Variants in CDH13 observed in about 807,000 individuals in gnomAD.
CDH13 encodes the protein cadherin-13.
CDH13 carries 24 observed loss-of-function variants against 63.8 expected under a neutral mutation model. The ratio of observed to expected loss-of-function variants is 0.38; its 90% CI spans 0.27 to 0.53. The LOEUF (loss-of-function observed/expected upper bound fraction) is 0.53, where lower values mean the gene tolerates loss of function less well. CDH13 is among the 20% of genes least tolerant of loss of function. The pLI is 0.85. For synonymous variants in CDH13, 503 were observed against 355.3 expected (o/e 1.42, Z -4.67); for missense variants, 1,049 against 903.1 (o/e 1.16, Z -2.07).
At chr16:83,139,001 G>T (rs1447268192) in intron 4 of CDH13, among the ~76,000 whole-genome samples, 1 of 151,858 alleles carries the variant, frequency 6.6e-6, no homozygotes, top group African/African-American at 2.4e-5. Flanking sequence ...AAAGTAACCT[G>T]CGGAGGTGTT....
At chr16:83,765,460 A>G (rs1043424891) in intron 11 of CDH13, among the ~76,000 whole-genome samples, 1 of 152,158 alleles carries the variant, frequency 6.6e-6, no homozygotes, top group Non-Finnish European at 1.5e-5. Context: ...CAAGTATAGT[A>G]TACACGGAAA....
chr16:83,509,469 C>G (rs1355067175), intron 7 of CDH13, among the ~76,000 whole-genome samples: 1 of 152,184 alleles, frequency 6.6e-6, no homozygotes, highest in Non-Finnish European at 1.5e-5. Flanking sequence ...CAAAAGCAAG[C>G]ATAGATACCA....
chr16:83,191,469 ATATATATATATATATATAT>A (rs2038700268), intron 4 of CDH13, among the ~76,000 whole-genome samples: 1 of 116,980 alleles, frequency 8.5e-6, no homozygotes, highest in Non-Finnish European at 1.8e-5. Context: ...ATATATATAT[ATATATATATATATATATAT>A]GCACATATAT....
intron 4 of CDH13, among the ~76,000 whole-genome samples, chr16:83,214,373 A>C (rs1417551205): frequency 6.6e-6 from 1 of 151,924 alleles, no homozygotes; most frequent in African/African-American, 2.4e-5. Flanking sequence ...TCAGGTAAGG[A>C]GTTCGAGATT....
intron 3 of CDH13, among the ~76,000 whole-genome samples, chr16:83,117,165 C>G (rs1211776834): frequency 1.3e-5 from 2 of 152,214 alleles, no homozygotes; most frequent in East Asian, 1.9e-4. Flanking sequence ...GCTCAAAACC[C>G]TTCCAGGGCT....
At chr16:83,526,688 C>T (rs1363661552) in intron 7 of CDH13, among the ~76,000 whole-genome samples, 2 of 152,218 alleles carry the variant, frequency 1.3e-5, no homozygotes, top group Non-Finnish European at 2.9e-5. Context: ...AAATTTGCTG[C>T]CACTGTTTAA....
chr16:83,460,449 A>G (rs1045156868), intron 6 of CDH13, among the ~76,000 whole-genome samples: 1 of 152,230 alleles, frequency 6.6e-6, no homozygotes, highest in Non-Finnish European at 1.5e-5. Context: ...ATTTCTAGCA[A>G]TAGCAAAATA....
chr16:82,774,948 A>C (rs1197931770), intron 1 of CDH13, among the ~76,000 whole-genome samples: 4 of 152,184 alleles, frequency 2.6e-5, no homozygotes, highest in Non-Finnish European at 5.9e-5. Context: ...AAATGCTTTG[A>C]CTTGGAAATA....
At chr16:83,060,321 A>G (rs948785498) in intron 3 of CDH13, among the ~76,000 whole-genome samples, 3 of 152,240 alleles carry the variant, frequency 2.0e-5, no homozygotes, top group African/African-American at 7.2e-5. Flanking sequence ...GTGGATGTTG[A>G]TAAATGCGTA....
intron 4 of CDH13, among the ~76,000 whole-genome samples, chr16:83,169,617 C>T (rs2037837524): frequency 6.6e-6 from 1 of 151,754 alleles, no homozygotes; most frequent in South Asian, 2.1e-4. Flanking sequence ...GCCCTCTTTC[C>T]TTTTCCTATT....
intron 6 of CDH13, among the ~76,000 whole-genome samples, chr16:83,425,137 A>G (rs1405221708): frequency 2.0e-5 from 3 of 152,208 alleles, no homozygotes; most frequent in Non-Finnish European, 4.4e-5. Flanking sequence ...AAGCTATGGT[A>G]TTTGTAAAAG....
chr16:82,910,126 G>C lies in CDH13; in HGVS notation c.157+51653G>C, dbSNP rs140893557. Among the ~76,000 whole-genome samples, 164 of 152,278 alleles carry C rather than the reference G, an allele frequency of 1.1e-3. No individual in the cohort carries two copies. The Middle Eastern group carries it at 0.014, about 13-fold the overall frequency. The stretch of plus-strand genomic sequence containing the variant: ...CATCCCATCAAATGCCGATGTCTGA[G>C]TCATCTGTGTCCCTGGGTGTCTATG... On this transcript the variant is annotated intron_variant, in intron 2 of 13. Transcript: ENST00000567109.
At chr16:83,695,906 T>G (rs958192354) in intron 10 of CDH13, among the ~76,000 whole-genome samples, 32 of 152,166 alleles carry the variant, frequency 2.1e-4, no homozygotes, top group African/African-American at 7.7e-4. Context: ...TTTTTTTTTT[T>G]TTTGAGACTG....
chr16:82,813,831 A>T (rs2037568564), intron 1 of CDH13, among the ~76,000 whole-genome samples: 1 of 152,228 alleles, frequency 6.6e-6, no homozygotes. Flanking sequence ...AAGTTCAATC[A>T]GTCTTGGTTT....
chr16:82,921,784 C>G (rs1016601787), intron 2 of CDH13, among the ~76,000 whole-genome samples: 1 of 151,940 alleles, frequency 6.6e-6, no homozygotes, highest in Non-Finnish European at 1.5e-5. Flanking sequence ...GAAGTGTTCT[C>G]TCCTCCTATA....
At chr16:83,452,983 G>C (rs1445351522) in intron 6 of CDH13, among the ~76,000 whole-genome samples, 1 of 152,178 alleles carries the variant, frequency 6.6e-6, no homozygotes, top group African/African-American at 2.4e-5. Flanking sequence ...TCTTCTAGCT[G>C]TGTGCCTTTG....
intron 2 of CDH13, among the ~76,000 whole-genome samples, chr16:83,009,385 G>A (rs753264119): frequency 3.3e-5 from 5 of 152,184 alleles, no homozygotes; most frequent in Non-Finnish European, 7.3e-5. Flanking sequence ...AACTGTGGTT[G>A]AGTTTGTTAT....
intron 2 of CDH13, among the ~76,000 whole-genome samples, chr16:82,883,935 G>T (rs1464610477): frequency 1.3e-5 from 2 of 152,134 alleles, no homozygotes; most frequent in East Asian, 3.9e-4. Flanking sequence ...GCCTGTTCAT[G>T]AGCAAGTTAT....
chr16:83,744,946 G>T (rs1726767688), intron 10 of CDH13, among the ~76,000 whole-genome samples: 1 of 152,156 alleles, frequency 6.6e-6, no homozygotes, highest in African/African-American at 2.4e-5. Flanking sequence ...GCAGGCCTTG[G>T]CACCAGAGAT....
Sources: gnomAD v4.1 joint callset for allele counts (sites outside exome capture counted in the v4.1 genomes callset) on GRCh38, gnomAD v4.1.1 for gene constraint, MANE v1.5 for transcripts, NCBI Gene and HGNC (gene_info 2026-07-23, HGNC 2026-07-21) for gene names.